CRYZ: variants seen among roughly 807,000 people sequenced by gnomAD.
CRYZ encodes zeta-crystallin.
Under a neutral mutation model 34.1 loss-of-function variants are expected in CRYZ, and 35 were observed. That is an observed-to-expected ratio of 1.03 (90% CI 0.78 to 1.36). The LOEUF (loss-of-function observed/expected upper bound fraction) is 1.36. Ranked by LOEUF, CRYZ falls within the 40% of genes most tolerant of loss-of-function variation. The pLI is 0.00. For missense variants in CRYZ, 403 were observed against 391.8 expected, an observed-to-expected ratio of 1.03 and a Z score of -0.24; for synonymous variants, 137 against 136.5, an observed-to-expected ratio of 1.00 and a Z score of -0.03.
intron 1 of CRYZ, among the ~76,000 whole-genome samples, chr1:74,729,545 T>G (rs1647585130): frequency 6.7e-6 from 1 of 149,340 alleles, no homozygotes; most frequent in Admixed American, 6.7e-5. Context: ...CTCAGAAGGC[T>G]GAGGTGGGAG....
intron 1 of CRYZ, among the ~76,000 whole-genome samples, chr1:74,730,192 A>G (rs1325754503): frequency 6.6e-6 from 1 of 152,152 alleles, no homozygotes; most frequent in Non-Finnish European, 1.5e-5. Flanking sequence ...GACTCATCCT[A>G]CTGGATTTGG....
chr1:74,711,001 G>C (rs899914506), intron 5 of CRYZ, among the ~76,000 whole-genome samples: 2 of 152,170 alleles, frequency 1.3e-5, no homozygotes, highest in African/African-American at 2.4e-5. Context: ...TGAAAAAAGT[G>C]AGGAACAAGC....
At chr1:74,713,349 G>T (rs901556553) in intron 5 of CRYZ, among the ~76,000 whole-genome samples, 1 of 152,102 alleles carries the variant, frequency 6.6e-6, no homozygotes, top group African/African-American at 2.4e-5. Flanking sequence ...GAAAGCCAGG[G>T]TAATTTAAAT....
chr1:74,723,274 C>A lies in CRYZ; in HGVS notation c.112-4G>T. 1 of 1,607,866 alleles carries A rather than the reference C, an allele frequency of 6.2e-7. No individual in the cohort carries two copies. The highest frequency in any genetic ancestry group is 8.5e-7 in the Non-Finnish European group (1 of 1,178,466). On this transcript the variant is annotated splice_region_variant and splice_polypyrimidine_tract_variant and intron_variant, in intron 2 of 8. Transcript: ENST00000340866. Reference sequence around the variant, plus strand: ...ATGCATGGACCTTGATTAGAACCTGCAATGACAATGTATTTTAGTTCACAG... The same window carrying A: ...ATGCATGGACCTTGATTAGAACCTGAAATGACAATGTATTTTAGTTCACAG...
intron 6 of CRYZ, chr1:74,708,484 C>A (rs2100691651): frequency 6.6e-6 from 1 of 152,134 alleles, no homozygotes; most frequent in African/African-American, 2.4e-5. Flanking sequence ...TTATGAATAA[C>A]AGTCAAGGCT....
intron 4 of CRYZ, among the ~76,000 whole-genome samples, chr1:74,717,770 A>T (rs1474280417): frequency 6.6e-6 from 1 of 152,186 alleles, no homozygotes; most frequent in African/African-American, 2.4e-5. Context: ...TGGATGCTTA[A>T]GGAATACCAT....
chr1:74,712,637 C>G (rs1647020973), intron 5 of CRYZ, among the ~76,000 whole-genome samples: 1 of 152,126 alleles, frequency 6.6e-6, no homozygotes, highest in African/African-American at 2.4e-5. Flanking sequence ...AACTCACTGT[C>G]TGATGGAGGA....
At chr1:74,726,034 T>C (rs1008559533) in intron 1 of CRYZ, among the ~76,000 whole-genome samples, 3 of 152,220 alleles carry the variant, frequency 2.0e-5, no homozygotes, top group African/African-American at 7.2e-5. Context: ...TAAGCCTCCC[T>C]GCTGGCTGTT....
chr1:74,731,602 G>A (rs991472744), intron 1 of CRYZ, among the ~76,000 whole-genome samples: 1 of 152,154 alleles, frequency 6.6e-6, no homozygotes, highest in Admixed American at 6.5e-5. Flanking sequence ...AAGAGGGGAG[G>A]AGTTTAATAA....
chr1:74,711,344 G>A (rs753912657), intron 5 of CRYZ, among the ~76,000 whole-genome samples: 2 of 152,180 alleles, frequency 1.3e-5, no homozygotes, highest in East Asian at 1.9e-4. Flanking sequence ...GAAAATGGGA[G>A]GAGGAAGATC....
chr1:74,719,603 C>A (rs1010116402), intron 3 of CRYZ, among the ~76,000 whole-genome samples: 6 of 151,748 alleles, frequency 4.0e-5, no homozygotes, highest in African/African-American at 1.5e-4. Flanking sequence ...TCAAGCAATT[C>A]TCCTGCCTCA....
chr1:74,724,575 T>C (rs1206344769), intron 2 of CRYZ, 136 bp downstream of exon 2: 2 of 565,874 alleles, frequency 3.5e-6, no homozygotes, highest in Non-Finnish European at 6.3e-6. Context: ...TCAATGTCCA[T>C]ATGTATACAT....
chr1:74,710,262 T>C lies in CRYZ; in HGVS notation c.481-15A>G. 2 of 1,612,894 alleles carry C rather than the reference T, an allele frequency of 1.2e-6. No individual in the cohort carries two copies. The highest frequency in any genetic ancestry group is 1.7e-6 in the Non-Finnish European group (2 of 1,179,468). On this transcript the variant is annotated splice_polypyrimidine_tract_variant and intron_variant, in intron 5 of 8. Coordinates refer to ENST00000340866, the MANE Select transcript of CRYZ (RefSeq NM_001889.4). The stretch of plus-strand genomic sequence containing the variant: ...GCTAATCCAACCTGAAAAACAAATA[T>C]AACCCAAGAGTTATATATTCTCTAC...
intron 5 of CRYZ, among the ~76,000 whole-genome samples, chr1:74,713,542 T>C (rs548340286): frequency 7.2e-5 from 11 of 152,282 alleles, no homozygotes; most frequent in African/African-American, 2.6e-4. Context: ...GTGAAATCCT[T>C]TAGAATTGAT....
chr1:74,726,821 G>A (rs1270204073), intron 1 of CRYZ, among the ~76,000 whole-genome samples: 3 of 152,056 alleles, frequency 2.0e-5, no homozygotes, highest in African/African-American at 7.2e-5. Flanking sequence ...TAATGCGCAA[G>A]TCACCTCTTG....
At chr1:74,710,460 C>T (rs56801414) in intron 5 of CRYZ, among the ~76,000 whole-genome samples, 1 of 152,132 alleles carries the variant, frequency 6.6e-6, no homozygotes, top group Non-Finnish European at 1.5e-5. Flanking sequence ...TTGTTTTATT[C>T]TATCCTCACA....
chr1:74,713,945 G>C (rs750839845), intron 5 of CRYZ, among the ~76,000 whole-genome samples: 8 of 152,032 alleles, frequency 5.3e-5, no homozygotes, highest in Non-Finnish European at 1.2e-4. Context: ...CTAGTTTCTC[G>C]AAGAGGTTTC....
chr1:74,724,603 A>C (rs1647241015), intron 2 of CRYZ, 108 bp downstream of exon 2: 1 of 700,214 alleles, frequency 1.4e-6, no homozygotes, highest in Non-Finnish European at 2.4e-6. Flanking sequence ...ACTGCATCCT[A>C]ATTCAATGTT....
intron 1 of CRYZ, among the ~76,000 whole-genome samples, chr1:74,726,219 GC>G (rs1263468977): frequency 2.0e-5 from 3 of 152,198 alleles, no homozygotes; most frequent in African/African-American, 7.2e-5. Context: ...CTTCTGCACT[GC>G]CCTAGCAGAG....
Sources: allele counts gnomAD v4.1 joint callset (sites outside exome capture counted in the v4.1 genomes callset), GRCh38; gene constraint gnomAD v4.1.1; transcripts MANE v1.5; gene names NCBI Gene and HGNC (gene_info 2026-07-23, HGNC 2026-07-21).